The following ENTREP1 variants were observed in gnomAD, a reference collection of about 807,000 sequenced individuals.
ENTREP1 encodes the protein Friedreich ataxia region gene X123.
At chr9:69,368,329 G>A in the ENTREP1 span, among the ~76,000 whole-genome samples, 4 of 152,096 alleles carry the variant, frequency 2.6e-5, no homozygotes, top group Admixed American at 2.6e-4. Context: ...TTAGCTGTGG[G>A]TTTTTCATTT....
At chr9:69,371,666 TC>T in the ENTREP1 span, 1 of 1,153,052 alleles carries the variant, frequency 8.7e-7, no homozygotes, top group African/African-American at 1.5e-5. Context: ...TGTCAGGTGT[TC>T]CTGGCGAGAC....
chr9:69,350,043 C>G, the ENTREP1 span, among the ~76,000 whole-genome samples: 2 of 152,126 alleles, frequency 1.3e-5, no homozygotes, highest in African/African-American at 2.4e-5. Context: ...TGTCTTTTTA[C>G]TTTCTTGATG....
chr9:69,389,913 G>C, the ENTREP1 span, among the ~76,000 whole-genome samples: 1 of 152,152 alleles, frequency 6.6e-6, no homozygotes, highest in Non-Finnish European at 1.5e-5. Context: ...GCCATCTCCT[G>C]GGCCTTCCAG....
At chr9:69,352,353 A>G in the ENTREP1 span, among the ~76,000 whole-genome samples, 24 of 152,216 alleles carry the variant, frequency 1.6e-4, 1 homozygote, top group African/African-American at 5.8e-4. Context: ...TCCTAACCTC[A>G]GGTGATCCAC....
the ENTREP1 span, among the ~76,000 whole-genome samples, chr9:69,360,927 C>T: frequency 1.1e-4 from 16 of 152,024 alleles, no homozygotes; most frequent in African/African-American, 3.9e-4. Context: ...TATTTTTATC[C>T]TATTCAAACT....
At chr9:69,337,789 A>T in the ENTREP1 span, among the ~76,000 whole-genome samples, 4 of 151,962 alleles carry the variant, frequency 2.6e-5, no homozygotes, top group Admixed American at 6.6e-5. Flanking sequence ...GTATACTTAA[A>T]TTTTTTTTCT....
chr9:69,351,141 AC>A, the ENTREP1 span, among the ~76,000 whole-genome samples: 1 of 152,170 alleles, frequency 6.6e-6, no homozygotes, highest in African/African-American at 2.4e-5. Flanking sequence ...TTTCATCTCT[AC>A]TGAAATAACA....
chr9:69,385,763 CTTTTTTTTTTTTTT>C, the ENTREP1 span: 5 of 1,243,192 alleles, frequency 4.0e-6, no homozygotes, highest in Admixed American at 1.2e-4. Context: ...TGTTTCGCCT[CTTTTTTTTTTTTTT>C]TTTTTTTTTT....
At chr9:69,370,413 T>TATTCTATA in the ENTREP1 span, among the ~76,000 whole-genome samples, 1 of 152,176 alleles carries the variant, frequency 6.6e-6, no homozygotes, top group Admixed American at 6.6e-5. Flanking sequence ...AGAGGGGACA[T>TATTCTATA]ATTCTATATG....
the ENTREP1 span, chr9:69,377,284 GTTA>G: frequency 2.3e-6 from 2 of 859,512 alleles, no homozygotes; most frequent in South Asian, 1.4e-5. Context: ...TGGAGGCAGC[GTTA>G]TTATTATTTT....
At chr9:69,337,923 G>A in the ENTREP1 span, among the ~76,000 whole-genome samples, 7 of 151,960 alleles carry the variant, frequency 4.6e-5, no homozygotes, top group South Asian at 2.1e-4. Flanking sequence ...GCTAGGCAAC[G>A]GGCAATCAAT....
the ENTREP1 span, chr9:69,377,334 G>A: frequency 8.8e-7 from 1 of 1,137,894 alleles, no homozygotes; most frequent in Admixed American, 1.7e-5. Flanking sequence ...GATGTTTGTT[G>A]AAGTACTTAG....
chr9:69,343,641 A>C, the ENTREP1 span, among the ~76,000 whole-genome samples: 1 of 152,236 alleles, frequency 6.6e-6, no homozygotes, highest in Non-Finnish European at 1.5e-5. Flanking sequence ...AATGAAAATC[A>C]AAACCACAAT....
At chr9:69,331,130 G>T in the ENTREP1 span, among the ~76,000 whole-genome samples, 7 of 152,104 alleles carry the variant, frequency 4.6e-5, no homozygotes, top group Non-Finnish European at 1.0e-4. Flanking sequence ...CATTGTAAGA[G>T]CTATAGGGCA....
At chr9:69,388,413 T>C in the ENTREP1 span, 1 of 1,611,064 alleles carries the variant, frequency 6.2e-7, no homozygotes, top group South Asian at 1.1e-5. Flanking sequence ...GAGGAGCACA[T>C]GGAGGAAGCC....
chr9:69,351,388 T>TTGA, the ENTREP1 span, among the ~76,000 whole-genome samples: 4,780 of 151,426 alleles, frequency 0.032, 105 homozygotes, highest in African/African-American at 0.07. Flanking sequence ...TCTTATTTCC[T>TTGA]TGATGATGAT....
At chr9:69,370,367 A>G in the ENTREP1 span, among the ~76,000 whole-genome samples, 1 of 152,148 alleles carries the variant, frequency 6.6e-6, no homozygotes, top group Non-Finnish European at 1.5e-5. Flanking sequence ...CTCCTTTTCC[A>G]AGAAGCTGTG....
At chr9:69,326,259 C>A in the ENTREP1 span, among the ~76,000 whole-genome samples, 2 of 152,126 alleles carry the variant, frequency 1.3e-5, no homozygotes, top group Non-Finnish European at 2.9e-5. Flanking sequence ...GCTCGACCCC[C>A]AGACGAGTTC....
chr9:69,381,413 T>C, the ENTREP1 span: 1 of 152,218 alleles, frequency 6.6e-6, no homozygotes, highest in East Asian at 1.9e-4. Flanking sequence ...AGGGCTTTAA[T>C]TTCAATCACC....
Sources: gnomAD v4.1 joint callset for allele counts (sites outside exome capture counted in the v4.1 genomes callset) on GRCh38, gnomAD v4.1.1 for gene constraint, MANE v1.5 for transcripts, NCBI Gene and HGNC (gene_info 2026-07-23, HGNC 2026-07-21) for gene names.